Variants in FASTKD1 observed in about 807,000 individuals in gnomAD.
The protein encoded by FASTKD1 is FAST kinase domain-containing protein 1, mitochondrial.
Under a neutral mutation model 90.9 loss-of-function variants are expected in FASTKD1, and 94 were observed. That is an observed-to-expected ratio of 1.03 (90% confidence interval 0.88 to 1.23). FASTKD1 has a LOEUF of 1.23. Among genes scored for constraint, FASTKD1 ranks in the 50% most tolerant of loss-of-function variants. The probability of loss-of-function intolerance (pLI) is 0.00; values close to 1 mark genes in which losing one functional copy is unlikely to be tolerated. For missense variants in FASTKD1, 945 were observed against 993.5 expected (o/e 0.95, Z 0.66); for synonymous variants, 319 against 345.8 (o/e 0.92, Z 0.86).
chr2:169,538,249 A>C, intron 10 of FASTKD1, 108 bp from the exon 11 acceptor site: 1 of 903,130 alleles, frequency 1.1e-6, no homozygotes, highest in Non-Finnish European at 1.7e-6. Flanking sequence ...TTTTATTCTA[A>C]CAGTATTTAG....
At chr2:169,530,545 C>T (rs1299471099) in intron 14 of FASTKD1, 42 bp downstream of exon 14, 1 of 1,126,324 alleles carries the variant, frequency 8.9e-7, no homozygotes, top group East Asian at 2.4e-5. Flanking sequence ...CAGCTAGTGT[C>T]TCTGGGCTTT....
rs368938812 is a variant in FASTKD1 at position 169,537,319 on chromosome 2, G to A, written c.2096C>T (p.Thr699Ile). The change falls in exon 12 of 15, where the codon ACA becomes ATA. Residue 699 changes from threonine to isoleucine, a missense_variant. By Grantham distance (89) the Thr-to-Ile change is moderately conservative. Transcript: ENST00000453153. ...YNKGIGGMDG[T>I]QQQIFKMLAE... ...TAACATTTTAAAAATCTGCTGTTGT[G>A]TTCCATCCATGCCACCAATACCTTT... is the stretch of plus-strand genomic sequence containing the variant. 1.1e-4 allele frequency: 175 copies of A among 1,608,940 alleles called. 1 individual carries two copies. The highest frequency in any genetic ancestry group is 7.8e-4 in the Admixed American group (47 of 59,946).
At chr2:169,566,636 T>C (rs1205524918) in intron 3 of FASTKD1, among the ~76,000 whole-genome samples, 2 of 152,040 alleles carry the variant, frequency 1.3e-5, no homozygotes, top group African/African-American at 4.8e-5. Flanking sequence ...GGCTTGAGCC[T>C]GGAAGTCTGA....
At position 169,528,876 on chromosome 2, in the gene FASTKD1, C is replaced by T. The variant is rs193005912; in HGVS notation, c.*949G>A. On this transcript the variant is annotated 3_prime_UTR_variant, in exon 15 of 15. Transcript: ENST00000453153. The stretch of plus-strand genomic sequence containing the variant: ...TATTACTTACCTTCCTTCCTCCTAC[C>T]TCATTGGCCATCCCTGCTCAGTCTC... 5.9e-5 allele frequency among the ~76,000 whole-genome samples: 9 copies of T among 152,120 alleles called. No individual in the cohort carries two copies. The highest frequency in any genetic ancestry group is 5.2e-4 in the Admixed American group (8 of 15,278).
rs1684262577 is a variant in FASTKD1 at position 169,572,109 on chromosome 2, G to A, written c.-80C>T. The stretch of plus-strand genomic sequence containing the variant: ...GCAATAAGCAGGGATACAAATAACA[G>A]TTTTTCCTTCATGTATTTTGCTTCC... On this transcript the variant is annotated 5_prime_UTR_variant, in exon 2 of 15. Transcript: ENST00000453153. 1.3e-6 allele frequency: 2 copies of A among 1,486,720 alleles called. No individual in the cohort carries two copies. Among genetic ancestry groups the A allele is most frequent in the Non-Finnish European group, 8.9e-7 (1 of 1,120,204 alleles). 92.1% of individuals were successfully genotyped at this position (1,486,720 alleles called of 1,614,324 possible).
chr2:169,566,749 A>T (rs1235492404), intron 3 of FASTKD1, among the ~76,000 whole-genome samples: 2 of 152,150 alleles, frequency 1.3e-5, no homozygotes, highest in African/African-American at 4.8e-5. Flanking sequence ...AATACATGTT[A>T]ATTATCCTTG....
intron 3 of FASTKD1, among the ~76,000 whole-genome samples, chr2:169,567,227 T>C (rs1212426918): frequency 6.6e-6 from 1 of 152,082 alleles, no homozygotes; most frequent in African/African-American, 2.4e-5. Flanking sequence ...TAAAATACAA[T>C]CATACATGTA....
intron 4 of FASTKD1, among the ~76,000 whole-genome samples, chr2:169,561,841 T>A (rs896845923): frequency 2.1e-5 from 3 of 143,882 alleles, no homozygotes; most frequent in African/African-American, 5.0e-5. Flanking sequence ...TTATTGTAAA[T>A]TATTTATTAA....
At chr2:169,563,003 C>T (rs549718083) in intron 4 of FASTKD1, among the ~76,000 whole-genome samples, 1 of 152,284 alleles carries the variant, frequency 6.6e-6, no homozygotes, top group South Asian at 2.1e-4. Context: ...CCTCCACAGA[C>T]CTCAACAATA....
At chr2:169,553,270 G>GAA (rs1559149845) in intron 7 of FASTKD1, among the ~76,000 whole-genome samples, 1 of 7,506 alleles carries the variant, frequency 1.3e-4, no homozygotes, top group African/African-American at 3.5e-4. Flanking sequence ...TTAAAAGCAT[G>GAA]CAAAAAAAAA....
chr2:169,537,054 C>T (rs557434091), intron 12 of FASTKD1, 173 bp downstream of exon 12: 50 of 380,186 alleles, frequency 1.3e-4, no homozygotes, highest in Admixed American at 1.2e-3. Context: ...CACTGGGCCA[C>T]GGGAACTTGA....
intron 3 of FASTKD1, among the ~76,000 whole-genome samples, chr2:169,564,950 TTC>T (rs1491242955): frequency 0.06 from 8,318 of 139,588 alleles, 344 homozygotes; most frequent in South Asian, 0.17. Context: ...TACCACATTT[TTC>T]TTTTTTTTTT....
rs562552965 is a variant in FASTKD1 at position 169,568,302 on chromosome 2, T to C, written c.446+882A>G. Among the ~76,000 whole-genome samples, 4 of 152,224 alleles carry C rather than the reference T, an allele frequency of 2.6e-5. No homozygotes were observed. In the South Asian group the frequency reaches 8.3e-4, roughly 32 times the overall value. On this transcript the variant is annotated intron_variant, in intron 3 of 14. Transcript: ENST00000453153. ...TCTCCTTTCCTGGCTCCTGCACTTC[T>C]AGGTTTTTATTGATAGCCAATTAAT...
intron 3 of FASTKD1, among the ~76,000 whole-genome samples, chr2:169,567,794 T>C (rs1340626407): frequency 6.6e-6 from 1 of 152,210 alleles, no homozygotes; most frequent in Non-Finnish European, 1.5e-5. Context: ...TAGTTTTTAA[T>C]ATCCTCCTAT....
In FASTKD1 at chr2:169,555,168, G is replaced by C. The variant is rs1410390378; in HGVS notation, c.1170C>G (p.Phe390Leu). ...KITQELTFLH[F>L]QRKEFFAKLR... ...GTTTCGCAAAAAACTCCTTCCTTTG[G>C]AAATGCAGAAAAGTTAATTCTTGAG... The change falls in exon 7 of 15, where the codon TTC (phenylalanine) becomes TTG (leucine). Residue 390 changes from phenylalanine (F) to leucine (L), a missense_variant. Physicochemically the swap from Phe to Leu is conservative, Grantham distance 22. Transcript: ENST00000453153. 1 of 1,612,538 alleles carries C rather than the reference G, an allele frequency of 6.2e-7. No individual in the cohort carries two copies. Among genetic ancestry groups the C allele is most frequent in the African/African-American group, 1.3e-5 (1 of 74,836 alleles).
At chr2:169,561,759 A>ATTAATTTATTGTAAATTAT (rs1559156479) in intron 4 of FASTKD1, among the ~76,000 whole-genome samples, 2 of 138,134 alleles carry the variant, frequency 1.4e-5, no homozygotes, top group East Asian at 2.2e-4. Context: ...TAAATTATTT[A>ATTAATTTATTGTAAATTAT]TTAATTTATT....
intron 12 of FASTKD1, among the ~76,000 whole-genome samples, chr2:169,535,461 T>TGTA (rs1559138650): frequency 7.2e-5 from 7 of 97,096 alleles, no homozygotes; most frequent in Non-Finnish European, 1.4e-4. Flanking sequence ...TATTTATTTA[T>TGTA]TTATTATTTG....
rs185430275 is a variant in FASTKD1, at chr2:169,528,697, C to T, written c.*1128G>A. Among the ~76,000 whole-genome samples the T allele has an allele frequency of 1.3e-4, 20 of 152,282 alleles. No individual in the cohort carries two copies. Among genetic ancestry groups the T allele is most frequent in the Non-Finnish European group, 2.5e-4 (17 of 68,024 alleles). The stretch of plus-strand genomic sequence containing the variant: ...ACCAGTCAGGCTTTCACATGCACCA[C>T]TTCAAAACGACTATTTTCAAAGTAC... On this transcript the variant is annotated 3_prime_UTR_variant, in exon 15 of 15. Transcript: ENST00000453153.
intron 7 of FASTKD1, among the ~76,000 whole-genome samples, chr2:169,553,078 A>G (rs1685565616): frequency 1.3e-5 from 2 of 151,874 alleles, no homozygotes; most frequent in Non-Finnish European, 2.9e-5. Flanking sequence ...ATGGTGCCTC[A>G]TGCCTGTAAT....
Sources: allele counts gnomAD v4.1 joint callset (sites outside exome capture counted in the v4.1 genomes callset), GRCh38; gene constraint gnomAD v4.1.1; transcripts MANE v1.5; gene names NCBI Gene and HGNC (gene_info 2026-07-23, HGNC 2026-07-21).